The following SLC25A37 variants were observed in gnomAD, a reference collection of about 807,000 sequenced individuals.
SLC25A37 encodes mitoferrin-1.
In SLC25A37, 17 loss-of-function variants were observed where a neutral mutation model predicts 31.0. The ratio of observed to expected loss-of-function variants is 0.55; its 90% CI spans 0.38 to 0.82. SLC25A37 has a LOEUF of 0.82. Ranked by LOEUF, SLC25A37 falls within the 40% of genes least tolerant of loss-of-function variation. The pLI, the probability that SLC25A37 is intolerant of heterozygous loss-of-function variation, is 0.00. For synonymous variants in SLC25A37, 222 were observed against 193.0 expected (o/e 1.15, Z -1.24); for missense variants, 404 against 465.8 (o/e 0.87, Z 1.22).
rs1391703908 is a variant in SLC25A37 at position 23,571,799 on chromosome 8, G to A, written c.961G>A (p.Glu321Lys). ...CACCGCCATTTCTTGGTCTGTCTAT[G>A]AGTTCTTCAAGTACTTTCTCACCAA... ...PSTAISWSVY[E>K]FFKYFLTKRQ... is the part of the protein sequence containing the mutation. Residue 321 changes from glutamate to lysine, a missense_variant, in exon 4 of 4, where the codon GAG becomes AAG. Glu to Lys is a moderately conservative substitution (Grantham distance 56, BLOSUM62 1). Coordinates refer to ENST00000519973, the MANE Select transcript of SLC25A37 (RefSeq NM_016612.4). The A allele has an allele frequency of 1.9e-6, 3 of 1,613,772 alleles. No individual in the cohort carries two copies. Among genetic ancestry groups the A allele is most frequent in the Non-Finnish European group, 2.5e-6 (3 of 1,179,778 alleles).
chr8:23,551,716 G>A (rs1027789337), intron 1 of SLC25A37, among the ~76,000 whole-genome samples: 2 of 152,098 alleles, frequency 1.3e-5, no homozygotes, highest in Admixed American at 6.6e-5. Context: ...ATAAGAAAAC[G>A]GGGGCAGAGA....
rs1481194574 is a variant in SLC25A37 at position 23,529,868 on chromosome 8, A to T, written c.210+656A>T. On this transcript the variant is annotated intron_variant, in intron 1 of 3. Transcript: ENST00000519973. This position sits in a 1 kb window ranked among gnomAD's most constrained non-coding sequence, Gnocchi z 4.1. ...TGGGTCGCCGAGCCGCCGGGAGGCA[A>T]TGACGTTTGCCTTCTCCTTTTGCTT... Among the ~76,000 whole-genome samples, 1 of 149,778 alleles carries T rather than the reference A, an allele frequency of 6.7e-6. No homozygotes were observed. Among genetic ancestry groups the T allele is most frequent in the African/African-American group, 2.5e-5 (1 of 39,224 alleles).
At position 23,546,553 on chromosome 8, in the gene SLC25A37, A is replaced by G. The variant is rs1462817351; in HGVS notation, c.210+17341A>G. Among the ~76,000 whole-genome samples the G allele has an allele frequency of 3.6e-3, 61 of 17,086 alleles. 2 individuals carry two copies. The highest frequency in any genetic ancestry group is 6.9e-3 in the Non-Finnish European group (53 of 7,718). The allele number at this position is 17,086 out of a possible 152,430, so 11.2% of individuals were successfully genotyped here. A position where few individuals can be genotyped will look rare whatever the true frequency, so the allele number is the denominator to read the frequency against. The stretch of plus-strand genomic sequence containing the variant: ...GGTGTATATATATATATATATATAT[A>G]GTGTATATATATATATATATATATA... On this transcript the variant is annotated intron_variant, in intron 1 of 3. Coordinates refer to ENST00000519973, the MANE Select transcript of SLC25A37 (RefSeq NM_016612.4).
In SLC25A37 at chr8:23,575,147, C is replaced by G. The variant is rs1333334223; in HGVS notation, c.*3292C>G. 6.6e-6 allele frequency: 1 copy of G among 152,104 alleles called. No homozygotes were observed. Among genetic ancestry groups the G allele is most frequent in the African/African-American group, 2.4e-5 (1 of 41,396 alleles). The allele number at this position is 152,104 out of a possible 1,614,324, so 9.4% of individuals were successfully genotyped here. A position where few individuals can be genotyped will look rare whatever the true frequency, so the allele number is the denominator to read the frequency against. ...ATTCCAAGCACCTTCCTCCAAAGTC[C>G]CCATAAAGCTGCATCTCCAACACAT... On this transcript the variant is annotated 3_prime_UTR_variant, in exon 4 of 4. Coordinates refer to ENST00000519973, the MANE Select transcript of SLC25A37 (RefSeq NM_016612.4).
At chr8:23,539,131 C>G (rs1452496000) in intron 1 of SLC25A37, among the ~76,000 whole-genome samples, 2 of 152,298 alleles carry the variant, frequency 1.3e-5, no homozygotes, top group South Asian at 4.1e-4. Context: ...GTTTCACATT[C>G]ATGCTTTCTC....
At chr8:23,566,715 C>CAAA in intron 2 of SLC25A37, 1 of 835,832 alleles carries the variant, frequency 1.2e-6, no homozygotes, top group Non-Finnish European at 1.4e-6. Flanking sequence ...ATGCTGGATT[C>CAAA]AAAAAAAAAA....
At chr8:23,538,067 A>C (rs1364608744) in intron 1 of SLC25A37, among the ~76,000 whole-genome samples, 1 of 152,138 alleles carries the variant, frequency 6.6e-6, no homozygotes, top group Non-Finnish European at 1.5e-5. Context: ...TGAAAAAAAA[A>C]AAAGTTATGA....
At chr8:23,570,466 C>T (rs1802793900) in intron 3 of SLC25A37, among the ~76,000 whole-genome samples, 1 of 152,060 alleles carries the variant, frequency 6.6e-6, no homozygotes, top group African/African-American at 2.4e-5. Context: ...AATGAAAAAC[C>T]TAAAAATGCC....
At chr8:23,543,079 T>TTA (rs1801941076) in intron 1 of SLC25A37, 1 of 152,312 alleles carries the variant, frequency 6.6e-6, no homozygotes, top group Non-Finnish European at 1.5e-5. Context: ...TATTTATTTT[T>TTA]TTTTTTAGAG....
At position 23,573,827 on chromosome 8, in the gene SLC25A37, C is replaced by T. The variant is rs957712698; in HGVS notation, c.*1972C>T. The T allele has an allele frequency of 2.0e-5, 9 of 456,624 alleles. No individual in the cohort carries two copies. Among genetic ancestry groups the T allele is most frequent in the Non-Finnish European group, 3.1e-5 (7 of 226,986 alleles). The allele number at this position is 456,624 out of a possible 1,614,324, so 28.3% of individuals were successfully genotyped here. On this transcript the variant is annotated 3_prime_UTR_variant, in exon 4 of 4. Coordinates refer to ENST00000519973, the MANE Select transcript of SLC25A37 (RefSeq NM_016612.4). ...TTAACGCCTTCTCCCTGCTCTGCCCCCCACTCCCCAAAACCAGTTGCAGCC... is the reference window on the plus strand; with the variant it reads ...TTAACGCCTTCTCCCTGCTCTGCCCTCCACTCCCCAAAACCAGTTGCAGCC...
At chr8:23,561,154 G>C (rs1159607141) in intron 1 of SLC25A37, among the ~76,000 whole-genome samples, 1 of 152,168 alleles carries the variant, frequency 6.6e-6, no homozygotes, top group East Asian at 1.9e-4. Flanking sequence ...CACTTCCCAA[G>C]CTTAACTTTC....
At chr8:23,544,327 G>A (rs7015469) in intron 1 of SLC25A37, among the ~76,000 whole-genome samples, 39,940 of 152,058 alleles carry the variant, frequency 0.26, 5,989 homozygotes, top group African/African-American at 0.4. Context: ...CTCAATTTGT[G>A]TAAGTACACT....
rs747801973 is a variant in SLC25A37, at chr8:23,566,372, C to G, written c.439+36C>G. 8 of 1,587,242 alleles carry G rather than the reference C, an allele frequency of 5.0e-6. 1 individual carries two copies. In the South Asian group the frequency reaches 7.0e-5, roughly 14 times the overall value. ...AGCGTTTGTCTGGAGTTAGAAAGTTCTCTTCTTCAACACGTCCCTCCCCAG... is the reference window on the plus strand; with the variant it reads ...AGCGTTTGTCTGGAGTTAGAAAGTTGTCTTCTTCAACACGTCCCTCCCCAG... On this transcript the variant is annotated intron_variant, in intron 2 of 3. Transcript: ENST00000519973.
Position 23,574,691 on chromosome 8 carries a change from T to TA in SLC25A37, c.*2837dup. 1 of 155,128 alleles carries TA rather than the reference T, an allele frequency of 6.4e-6. No homozygotes were observed. Among genetic ancestry groups the TA allele is most frequent in the African/African-American group, 2.4e-5 (1 of 41,636 alleles). 9.6% of individuals were successfully genotyped at this position (155,128 alleles called of 1,614,324 possible). A position where few individuals can be genotyped will look rare whatever the true frequency, so the allele number is the denominator to read the frequency against. ...ATCTGGCCTTTATCTCCAAAGTTGG[T>TA]ATTGTTGCTCCACGCAGACTGCAGT... On this transcript the variant is annotated 3_prime_UTR_variant, in exon 4 of 4. Transcript: ENST00000519973.
chr8:23,555,581 A>G (rs756625343), intron 1 of SLC25A37, among the ~76,000 whole-genome samples: 16 of 152,336 alleles, frequency 1.1e-4, no homozygotes, highest in Non-Finnish European at 1.9e-4. Flanking sequence ...GCCCCTAGCA[A>G]TAGCAGTGCT....
intron 1 of SLC25A37, among the ~76,000 whole-genome samples, 153 bp from the exon 2 acceptor site, chr8:23,565,954 AT>A (rs1802640453): frequency 6.6e-6 from 1 of 152,216 alleles, no homozygotes; most frequent in Non-Finnish European, 1.5e-5. Flanking sequence ...TCCATGTAGA[AT>A]TCATTTTGAT....
intron 1 of SLC25A37, among the ~76,000 whole-genome samples, chr8:23,555,118 T>A (rs1169760404): frequency 6.6e-6 from 1 of 152,146 alleles, no homozygotes; most frequent in African/African-American, 2.4e-5. Flanking sequence ...GACTGCTGTC[T>A]TCTCTGCACA....
chr8:23,532,886 C>T (rs901762113), intron 1 of SLC25A37, among the ~76,000 whole-genome samples: 2 of 152,210 alleles, frequency 1.3e-5, no homozygotes, highest in Non-Finnish European at 2.9e-5. Flanking sequence ...TGCCAGAGTC[C>T]CCTCCCACCC....
intron 3 of SLC25A37, among the ~76,000 whole-genome samples, chr8:23,570,698 GTA>G (rs760761130): frequency 1.3e-4 from 20 of 152,284 alleles, no homozygotes; most frequent in African/African-American, 4.3e-4. Context: ...CACATTGTAT[GTA>G]TTTATTTGGC....
Sources: allele counts gnomAD v4.1 joint callset (sites outside exome capture counted in the v4.1 genomes callset), GRCh38; gene constraint gnomAD v4.1.1; non-coding constraint Gnocchi (gnomAD v3.1); transcripts MANE v1.5; gene names NCBI Gene and HGNC (gene_info 2026-07-23, HGNC 2026-07-21).